Variants in TBC1D9 observed in about 807,000 individuals in gnomAD.
TBC1D9 encodes the protein TBC1 domain family member 9A.
Under a neutral mutation model 132.0 loss-of-function variants are expected in TBC1D9, and 63 were observed. The observed-to-expected ratio is 0.48, with a 90% CI of 0.39 to 0.59. The LOEUF is 0.59. TBC1D9 is among the 20% of genes least tolerant of loss of function. The probability of loss-of-function intolerance (pLI) is 0.00; values close to 1 mark genes in which losing one functional copy is unlikely to be tolerated. For missense variants in TBC1D9, 1,261 were observed against 1,592.7 expected (o/e 0.79, Z 3.54); for synonymous variants, 610 against 609.9 (o/e 1.00, Z 0.00).
chr4:140,726,331 C>A (rs758174922), intron 1 of TBC1D9, among the ~76,000 whole-genome samples: 1 of 151,978 alleles, frequency 6.6e-6, no homozygotes. Flanking sequence ...TATATTTGTG[C>A]CTGTGTCAAA....
intron 1 of TBC1D9, among the ~76,000 whole-genome samples, chr4:140,744,058 A>G (rs1738799551): frequency 6.6e-6 from 1 of 152,224 alleles, no homozygotes; most frequent in Non-Finnish European, 1.5e-5. Context: ...CTCAAGAGAA[A>G]TTGGTATGGA....
intron 1 of TBC1D9, among the ~76,000 whole-genome samples, chr4:140,716,886 G>A (rs1286663823): frequency 6.7e-6 from 1 of 148,876 alleles, no homozygotes; most frequent in African/African-American, 2.5e-5. Context: ...TTTAAAACAT[G>A]CTCATTTAAA....
intron 1 of TBC1D9, among the ~76,000 whole-genome samples, chr4:140,744,284 C>T (rs907917160): frequency 6.6e-6 from 1 of 152,006 alleles, no homozygotes; most frequent in African/African-American, 2.4e-5. Context: ...CAATATAAAC[C>T]AAAAATAAAA....
chr4:140,704,123 C>T (rs1253211123), intron 1 of TBC1D9, among the ~76,000 whole-genome samples: 2 of 152,092 alleles, frequency 1.3e-5, no homozygotes, highest in Non-Finnish European at 2.9e-5. Flanking sequence ...GTGGGCTAGG[C>T]GCGGTGGCTA....
chr4:140,627,331 C>A, intron 18 of TBC1D9, 110 bp downstream of exon 18: 1 of 703,828 alleles, frequency 1.4e-6, no homozygotes, highest in Non-Finnish European at 2.4e-6. Context: ...TTAAGGCAAC[C>A]ATATTTACAT....
At chr4:140,666,235 A>T (rs1163167746) in intron 9 of TBC1D9, among the ~76,000 whole-genome samples, 1 of 152,222 alleles carries the variant, frequency 6.6e-6, no homozygotes, top group African/African-American at 2.4e-5. Context: ...TTCCATTTAT[A>T]CAAAATGTCT....
intron 14 of TBC1D9, 40 bp from the exon 15 acceptor site, chr4:140,639,194 A>G: frequency 6.6e-7 from 1 of 1,520,648 alleles, no homozygotes; most frequent in Non-Finnish European, 8.9e-7. Context: ...ACAAACTCAA[A>G]AAGTGCCATG....
rs1578809506 is a variant in TBC1D9, at chr4:140,620,835, A to G, written c.*1360T>C. On this transcript the variant is annotated 3_prime_UTR_variant, in exon 21 of 21. Coordinates refer to ENST00000442267, the MANE Select transcript of TBC1D9 (RefSeq NM_015130.3). Reference sequence around the variant, plus strand: ...CACATTTAGCCTATTTGAGGTTAACACTACTTCATTTGACAGTTTAAAAAT... The same window carrying G: ...CACATTTAGCCTATTTGAGGTTAACGCTACTTCATTTGACAGTTTAAAAAT... The G allele has an allele frequency of 6.6e-6, 1 of 152,666 alleles. No individual in the cohort carries two copies. Among genetic ancestry groups the G allele is most frequent in the Non-Finnish European group, 1.5e-5 (1 of 68,032 alleles). 9.5% of individuals were successfully genotyped at this position (152,666 alleles called of 1,614,324 possible).
intron 13 of TBC1D9, among the ~76,000 whole-genome samples, chr4:140,652,299 T>C (rs1398297995): frequency 6.6e-6 from 1 of 152,130 alleles, no homozygotes; most frequent in Non-Finnish European, 1.5e-5. Flanking sequence ...TGCTGTTTCT[T>C]GCATCTCCTG....
At chr4:140,725,203 T>A (rs188050001) in intron 1 of TBC1D9, among the ~76,000 whole-genome samples, 22 of 152,296 alleles carry the variant, frequency 1.4e-4, no homozygotes, top group African/African-American at 5.3e-4. Context: ...TGCCATATAA[T>A]GGAATGTGCA....
At chr4:140,744,276 A>G (rs942261894) in intron 1 of TBC1D9, among the ~76,000 whole-genome samples, 3 of 152,112 alleles carry the variant, frequency 2.0e-5, no homozygotes, top group East Asian at 3.9e-4. Context: ...GAAGTCACCA[A>G]TATAAACCAA....
At chr4:140,681,316 T>C (rs1737699647) in intron 3 of TBC1D9, among the ~76,000 whole-genome samples, 2 of 152,178 alleles carry the variant, frequency 1.3e-5, no homozygotes, top group African/African-American at 4.8e-5. Context: ...ACTATCATTC[T>C]TTTCCCCCCA....
intron 1 of TBC1D9, among the ~76,000 whole-genome samples, chr4:140,708,567 C>G (rs1738181880): frequency 6.6e-6 from 1 of 152,150 alleles, no homozygotes; most frequent in African/African-American, 2.4e-5. Context: ...GTTTGCACAC[C>G]ATACTGGCCA....
chr4:140,651,549 T>G (rs1737187855), intron 13 of TBC1D9, among the ~76,000 whole-genome samples: 1 of 152,238 alleles, frequency 6.6e-6, no homozygotes, highest in Non-Finnish European at 1.5e-5. Context: ...TAGGTCCACA[T>G]TTTCTTTTGA....
chr4:140,641,077 T>A, intron 13 of TBC1D9, among the ~76,000 whole-genome samples: 1 of 49,994 alleles, frequency 2.0e-5, no homozygotes, highest in African/African-American at 8.2e-5. Context: ...AATCTTACAA[T>A]CATAATACTA....
At chr4:140,731,058 G>C (rs980385687) in intron 1 of TBC1D9, among the ~76,000 whole-genome samples, 1 of 152,162 alleles carries the variant, frequency 6.6e-6, no homozygotes, top group African/African-American at 2.4e-5. Flanking sequence ...ATTTGAACTT[G>C]CTTTTGAGGT....
chr4:140,660,069 T>C (rs1287687182), intron 10 of TBC1D9, among the ~76,000 whole-genome samples: 1 of 152,222 alleles, frequency 6.6e-6, no homozygotes, highest in Non-Finnish European at 1.5e-5. Context: ...CTCTCAGTGT[T>C]CTTAATCCTT....
chr4:140,664,822 C>A (rs967721203), intron 9 of TBC1D9, among the ~76,000 whole-genome samples: 2 of 152,018 alleles, frequency 1.3e-5, no homozygotes, highest in African/African-American at 4.8e-5. Context: ...AAAAAATTAA[C>A]TCAAGGCCGG....
At chr4:140,685,351 A>G (rs1737763031) in intron 3 of TBC1D9, among the ~76,000 whole-genome samples, 1 of 152,226 alleles carries the variant, frequency 6.6e-6, no homozygotes, top group Admixed American at 6.5e-5. Context: ...TCAAGAAATA[A>G]TATCTTGAGA....
Sources: allele counts gnomAD v4.1 joint callset (sites outside exome capture counted in the v4.1 genomes callset), GRCh38; gene constraint gnomAD v4.1.1; transcripts MANE v1.5; gene names NCBI Gene and HGNC (gene_info 2026-07-23, HGNC 2026-07-21).